LRRC7: variants seen among roughly 807,000 people sequenced by gnomAD.
LRRC7 encodes leucine-rich repeat-containing protein 7.
A neutral mutation model predicts 175.7 loss-of-function variants in LRRC7; 23 were observed. That is an observed-to-expected ratio of 0.13 (90% CI 0.09 to 0.19). The LOEUF is 0.19. LRRC7 is among the 10% of genes least tolerant of loss of function. LRRC7 has a pLI of 1.00. For synonymous variants in LRRC7, 685 were observed against 680.9 expected, an observed-to-expected ratio of 1.01 and a Z score of -0.09; for missense variants, 1,354 against 1,904.7, an observed-to-expected ratio of 0.71 and a Z score of 5.38.
intron 22 of LRRC7, among the ~76,000 whole-genome samples, chr1:70,044,631 A>T (rs946311610): frequency 2.6e-5 from 4 of 152,182 alleles, no homozygotes; most frequent in Admixed American, 6.6e-5. Flanking sequence ...ATGAGAAACA[A>T]GTTTGTGGCT....
intron 24 of LRRC7, among the ~76,000 whole-genome samples, chr1:70,082,781 A>ATCTTTTTTTTTT (rs1553201466): frequency 0.061 from 3,205 of 52,292 alleles, 1,302 homozygotes; most frequent in Middle Eastern, 0.11. Flanking sequence ...ATACCAGTAC[A>ATCTTTTTTTTTT]TTTTTTTTTT....
At chr1:69,584,352 C>G (rs974664551) in intron 1 of LRRC7, among the ~76,000 whole-genome samples, 1 of 152,044 alleles carries the variant, frequency 6.6e-6, no homozygotes, top group Non-Finnish European at 1.5e-5. Context: ...GCTGCCCTGG[C>G]CTTCAAAATT....
intron 1 of LRRC7, among the ~76,000 whole-genome samples, chr1:69,598,826 C>T (rs1036173361): frequency 2.0e-5 from 3 of 152,172 alleles, no homozygotes; most frequent in Non-Finnish European, 2.9e-5. Context: ...AGTCAATAAT[C>T]CAACATTCTA....
chr1:69,819,745 A>G (rs1679049126), intron 4 of LRRC7, among the ~76,000 whole-genome samples: 1 of 152,040 alleles, frequency 6.6e-6, no homozygotes, highest in East Asian at 1.9e-4. Flanking sequence ...TTGGGTGCAT[A>G]TATATTTAAA....
At chr1:69,915,371 A>G (rs1456044063) in intron 7 of LRRC7, among the ~76,000 whole-genome samples, 3 of 152,202 alleles carry the variant, frequency 2.0e-5, no homozygotes, top group Non-Finnish European at 4.4e-5. Flanking sequence ...CTGTGTTTTC[A>G]TAAATTAAGT....
chr1:69,664,993 T>C (rs1658059395), intron 1 of LRRC7, among the ~76,000 whole-genome samples: 1 of 152,270 alleles, frequency 6.6e-6, no homozygotes, highest in East Asian at 1.9e-4. Context: ...TGGTGAGAGA[T>C]AGGTGTCGAA....
chr1:69,963,004 CAAGA>C (rs1651276532), intron 8 of LRRC7, among the ~76,000 whole-genome samples: 1 of 151,714 alleles, frequency 6.6e-6, no homozygotes, highest in South Asian at 2.1e-4. Context: ...TAAAAAAAAA[CAAGA>C]AGAAGAAGAA....
chr1:69,731,195 G>A (rs1166036405), intron 2 of LRRC7, among the ~76,000 whole-genome samples: 4 of 151,968 alleles, frequency 2.6e-5, no homozygotes, highest in Non-Finnish European at 5.9e-5. Flanking sequence ...CCAGCTACTC[G>A]GGAGGCTGAG....
At chr1:69,665,710 A>G (rs1292206034) in intron 1 of LRRC7, among the ~76,000 whole-genome samples, 4 of 151,994 alleles carry the variant, frequency 2.6e-5, no homozygotes, top group Admixed American at 2.6e-4. Context: ...TATAAGTTCT[A>G]ATAGTTTTCT....
At chr1:69,735,084 A>C (rs895388001) in intron 2 of LRRC7, among the ~76,000 whole-genome samples, 1 of 151,926 alleles carries the variant, frequency 6.6e-6, no homozygotes, top group Admixed American at 6.6e-5. Context: ...TTCCTCTTTA[A>C]ATATTTCATA....
At chr1:69,667,390 C>G (rs1230343612) in intron 1 of LRRC7, among the ~76,000 whole-genome samples, 1 of 152,114 alleles carries the variant, frequency 6.6e-6, no homozygotes, top group African/African-American at 2.4e-5. Flanking sequence ...CTGTCTAATG[C>G]TGACAGTGGG....
chr1:69,717,758 GAAAA>G (rs752147493), intron 2 of LRRC7, among the ~76,000 whole-genome samples: 2,111 of 37,702 alleles, frequency 0.056, 543 homozygotes, highest in African/African-American at 0.14. Context: ...ATTGGAACAT[GAAAA>G]AAAGAAAAAA....
intron 1 of LRRC7, among the ~76,000 whole-genome samples, chr1:69,639,102 A>G (rs1483110564): frequency 6.6e-6 from 1 of 151,808 alleles, no homozygotes; most frequent in African/African-American, 2.4e-5. Context: ...TGATGGTCCA[A>G]ACAGGATTCT....
At chr1:69,665,528 G>T (rs533204349) in intron 1 of LRRC7, among the ~76,000 whole-genome samples, 2 of 152,096 alleles carry the variant, frequency 1.3e-5, no homozygotes, top group South Asian at 4.1e-4. Flanking sequence ...TCATTGTAGA[G>T]ATCTTTCACT....
intron 25 of LRRC7, among the ~76,000 whole-genome samples, chr1:70,093,248 G>A (rs1664155617): frequency 6.6e-6 from 1 of 152,124 alleles, no homozygotes; most frequent in Non-Finnish European, 1.5e-5. Context: ...TGATAGTAAA[G>A]CAATAAAAAT....
intron 7 of LRRC7, among the ~76,000 whole-genome samples, chr1:69,882,480 G>C (rs192674042): frequency 6.6e-6 from 1 of 152,212 alleles, no homozygotes; most frequent in Non-Finnish European, 1.5e-5. Context: ...CTGATGAATG[G>C]ATAAAGAAAT....
intron 2 of LRRC7, among the ~76,000 whole-genome samples, chr1:69,700,926 C>T (rs533506723): frequency 6.6e-6 from 1 of 152,166 alleles, no homozygotes; most frequent in Non-Finnish European, 1.5e-5. Flanking sequence ...TGTCAGACAA[C>T]CCGTCAGTAG....
intron 20 of LRRC7, 36 bp from the exon 21 acceptor site, chr1:70,038,077 G>A (rs752606535): frequency 1.7e-5 from 26 of 1,553,174 alleles, no homozygotes; most frequent in South Asian, 6.3e-5. Flanking sequence ...CCAACTCTTC[G>A]TCCTTTTCAA....
At chr1:69,987,194 G>A (rs886437203) in intron 10 of LRRC7, among the ~76,000 whole-genome samples, 4 of 152,098 alleles carry the variant, frequency 2.6e-5, no homozygotes, top group East Asian at 3.9e-4. Context: ...GCAGTGAGCC[G>A]AGATTATGCC....
Sources: gnomAD v4.1 joint callset for allele counts (sites outside exome capture counted in the v4.1 genomes callset) on GRCh38, gnomAD v4.1.1 for gene constraint, MANE v1.5 for transcripts, NCBI Gene and HGNC (gene_info 2026-07-23, HGNC 2026-07-21) for gene names.